The following SIGLECL1 variants were observed in gnomAD, a reference collection of about 807,000 sequenced individuals.
SIGLECL1 encodes the protein SIGLEC family-like protein 1.
In SIGLECL1, 16 loss-of-function variants were observed where a neutral mutation model predicts 19.1. The ratio of observed to expected loss-of-function variants is 0.84; its 90% CI spans 0.57 to 1.27. The LOEUF (loss-of-function observed/expected upper bound fraction) is 1.27. SIGLECL1 is among the 50% of genes most tolerant of loss of function. The probability of loss-of-function intolerance (pLI) is 0.00; values close to 1 mark genes in which losing one functional copy is unlikely to be tolerated. For missense variants in SIGLECL1, 210 were observed against 239.4 expected (o/e 0.88, Z 0.81); for synonymous variants, 89 against 90.4 (o/e 0.98, Z 0.09).
chr19:51,258,739 G>A (rs905847112), intron 1 of SIGLECL1, among the ~76,000 whole-genome samples: 2 of 152,146 alleles, frequency 1.3e-5, no homozygotes, highest in African/African-American at 4.8e-5. Context: ...ATTTCCAAGA[G>A]GGTGGAAATC....
chr19:51,267,943 A>G (rs1983798380), intron 5 of SIGLECL1, among the ~76,000 whole-genome samples: 1 of 151,848 alleles, frequency 6.6e-6, no homozygotes, highest in African/African-American at 2.4e-5. Context: ...AGCCCAGGTT[A>G]CTCCTTCATT....
chr19:51,267,820 G>A (rs567042078), intron 5 of SIGLECL1, among the ~76,000 whole-genome samples: 17 of 152,290 alleles, frequency 1.1e-4, no homozygotes, highest in African/African-American at 4.1e-4. Context: ...AATAGCAGTT[G>A]TAGCATCAGA....
intron 1 of SIGLECL1, among the ~76,000 whole-genome samples, chr19:51,259,686 T>C (rs1036462561): frequency 6.6e-6 from 1 of 152,206 alleles, no homozygotes; most frequent in African/African-American, 2.4e-5. Context: ...GTTTGTCATG[T>C]TGGAAAAACA....
At position 51,268,670 on chromosome 19, in the gene SIGLECL1, G is replaced by A. The variant is rs540457189; in HGVS notation, c.*73G>A. 38 of 1,499,272 alleles carry A rather than the reference G, an allele frequency of 2.5e-5. No individual in the cohort carries two copies. Among genetic ancestry groups the A allele is most frequent in the South Asian group, 2.3e-4 (19 of 83,402 alleles). The allele number at this position is 1,499,272 out of a possible 1,614,324, so 92.9% of individuals were successfully genotyped here. On this transcript the variant is annotated 3_prime_UTR_variant, in exon 6 of 6. Transcript: ENST00000601727. Reference sequence around the variant, plus strand: ...TACAAAGATCTGCAAAATTTATAGCGCTCACAGAAACCCTGGAGGCTGTAA... The same window carrying A: ...TACAAAGATCTGCAAAATTTATAGCACTCACAGAAACCCTGGAGGCTGTAA...
intron 1 of SIGLECL1, among the ~76,000 whole-genome samples, chr19:51,254,154 T>C (rs947256146): frequency 6.6e-6 from 1 of 152,004 alleles, no homozygotes; most frequent in Non-Finnish European, 1.5e-5. Context: ...CTCGACTCTC[T>C]CTCTACAGAA....
chr19:51,253,179 GTAAC>G, intron 1 of SIGLECL1, among the ~76,000 whole-genome samples: 1 of 152,166 alleles, frequency 6.6e-6, no homozygotes, highest in Admixed American at 6.5e-5. Flanking sequence ...CTAATACATA[GTAAC>G]TAACATTTTT....
intron 1 of SIGLECL1, among the ~76,000 whole-genome samples, chr19:51,253,838 T>C (rs1248045197): frequency 6.6e-6 from 1 of 152,208 alleles, no homozygotes; most frequent in African/African-American, 2.4e-5. Context: ...GGGCCAGTCA[T>C]AGTACTTTTG....
intron 5 of SIGLECL1, 67 bp downstream of exon 5, chr19:51,267,596 A>C: frequency 6.4e-7 from 1 of 1,566,950 alleles, no homozygotes; most frequent in Non-Finnish European, 8.7e-7. Context: ...CAGGGAAAGG[A>C]GCACACAGTG....
In SIGLECL1 at chr19:51,267,660, C is replaced by T. The variant is rs1017424841; in HGVS notation, c.567+131C>T. 5.5e-5 allele frequency: 56 copies of T among 1,020,298 alleles called. No individual in the cohort carries two copies. In the Admixed American group the frequency reaches 7.8e-4, roughly 14 times the overall value. 63.2% of individuals were successfully genotyped at this position (1,020,298 alleles called of 1,614,324 possible). On this transcript the variant is annotated intron_variant, in intron 5 of 5. Coordinates refer to ENST00000601727, the MANE Select transcript of SIGLECL1 (RefSeq NM_001385465.1). ...GCAGGATACCTAATGCTAGAGTGTG[C>T]TTTCAGGTCATTTTATAAATAGGAA...
rs1418397377 is a variant in SIGLECL1 at position 51,267,532 on chromosome 19, A to G, written c.567+3A>G. 1.2e-6 allele frequency: 2 copies of G among 1,613,992 alleles called. No individual in the cohort carries two copies. On this transcript the variant is annotated splice_donor_region_variant and intron_variant, in intron 5 of 5. Transcript: ENST00000601727. ...CATTTTCTGAGAGCCGGATATTGGT[A>G]TGTACCTATTGTGTCTGGAATCTAG...
chr19:51,262,017 C>G (rs1983268411), intron 1 of SIGLECL1, among the ~76,000 whole-genome samples: 1 of 152,186 alleles, frequency 6.6e-6, no homozygotes, highest in Non-Finnish European at 1.5e-5. Context: ...CCATTCATTA[C>G]CCCCTTTATC....
At chr19:51,249,381 C>CG (rs764612818), upstream of SIGLECL1, among the ~76,000 whole-genome samples, 1 of 151,962 alleles carries the variant, frequency 6.6e-6, no homozygotes, top group Non-Finnish European at 1.5e-5. Context: ...CTCGGGAAGT[C>CG]TATCTGGGGC....
chr19:51,255,469 G>A (rs1195523931), intron 1 of SIGLECL1, among the ~76,000 whole-genome samples: 2 of 152,110 alleles, frequency 1.3e-5, no homozygotes, highest in African/African-American at 2.4e-5. Context: ...TTTCTGAACA[G>A]CAAAGGAAAC....
At chr19:51,255,185 A>C (rs1801814385) in intron 1 of SIGLECL1, among the ~76,000 whole-genome samples, 1 of 151,602 alleles carries the variant, frequency 6.6e-6, no homozygotes, top group Non-Finnish European at 1.5e-5. Context: ...GCTTGCACCC[A>C]GGAGATGGAG....
At chr19:51,265,745 T>C (rs746230636) in intron 3 of SIGLECL1, 32 bp from the exon 4 acceptor site, 1 of 1,613,872 alleles carries the variant, frequency 6.2e-7, no homozygotes, top group Non-Finnish European at 8.5e-7. Flanking sequence ...TTGGCTCCGA[T>C]GCCAAACTTC....
Position 51,265,493 on chromosome 19 carries a change from G to A in SIGLECL1, c.148G>A (p.Gly50Ser). The change falls in exon 3 of 6, where the codon GGC (glycine) becomes AGC (serine). Residue 50 changes from glycine to serine, a missense_variant. Coordinates refer to ENST00000601727, the MANE Select transcript of SIGLECL1 (RefSeq NM_001385465.1). Reference protein sequence around the residue: ...WMGGVPVGVDGMDGSLQVTST... With the variant: ...WMGGVPVGVDSMDGSLQVTST... Reference sequence around the variant, plus strand: ...GGGAGGAGTCCCCGTGGGTGTGGATGGCATGGATGGCAGCCTCCAAGTGAC... The same window carrying A: ...GGGAGGAGTCCCCGTGGGTGTGGATAGCATGGATGGCAGCCTCCAAGTGAC... 3 of 1,614,152 alleles carry A rather than the reference G, an allele frequency of 1.9e-6. No homozygotes were observed. The highest frequency in any genetic ancestry group is 1.7e-5 in the Admixed American group (1 of 60,020).
At chr19:51,268,155 T>A (rs1303442054) in intron 5 of SIGLECL1, among the ~76,000 whole-genome samples, 1 of 152,160 alleles carries the variant, frequency 6.6e-6, no homozygotes, top group Non-Finnish European at 1.5e-5. Flanking sequence ...TATCTCCTAA[T>A]CTTTGTGCTC....
At chr19:51,268,238 G>A (rs1363086937) in intron 5 of SIGLECL1, among the ~76,000 whole-genome samples, 1 of 152,160 alleles carries the variant, frequency 6.6e-6, no homozygotes, top group Non-Finnish European at 1.5e-5. Context: ...TGGTCGAGAA[G>A]GCACCTTCAC....
At chr19:51,266,900 T>G (rs796870846) in intron 4 of SIGLECL1, among the ~76,000 whole-genome samples, 7 of 151,814 alleles carry the variant, frequency 4.6e-5, no homozygotes, top group African/African-American at 1.7e-4. Context: ...GGACACAGAT[T>G]AGAGAGAGTG....
Sources: gnomAD v4.1 joint callset for allele counts (sites outside exome capture counted in the v4.1 genomes callset) on GRCh38, gnomAD v4.1.1 for gene constraint, MANE v1.5 for transcripts, NCBI Gene and HGNC (gene_info 2026-07-23, HGNC 2026-07-21) for gene names.